PCDHA3: variants seen among roughly 807,000 people sequenced by gnomAD.
PCDHA3 encodes the protein protocadherin alpha-3.
PCDHA3 carries 41 observed loss-of-function variants against 62.2 expected under a neutral mutation model. That is an observed-to-expected ratio of 0.66 (90% CI 0.51 to 0.86). The LOEUF (loss-of-function observed/expected upper bound fraction) is 0.86. Ranked by LOEUF, PCDHA3 falls within the 40% of genes least tolerant of loss-of-function variation. The pLI, the probability that PCDHA3 is intolerant of heterozygous loss-of-function variation, is 0.00. For missense variants in PCDHA3, 1,304 were observed against 1,241.2 expected (o/e 1.05, Z -0.76); for synonymous variants, 640 against 555.4 (o/e 1.15, Z -2.14).
chr5:140,969,863 C>A (rs1305470999), intron 1 of PCDHA3, among the ~76,000 whole-genome samples: 1 of 152,156 alleles, frequency 6.6e-6, no homozygotes, highest in Non-Finnish European at 1.5e-5. Context: ...CTGGTACTTG[C>A]ACTGAACCTA....
intron 1 of PCDHA3, chr5:140,823,947 G>T (rs2150130652): frequency 1.7e-5 from 28 of 1,613,980 alleles, no homozygotes; most frequent in Non-Finnish European, 2.2e-5. Context: ...GGTGCTCGGC[G>T]CAGCCCACCG....
intron 1 of PCDHA3, chr5:140,882,846 C>T (rs1554175786): frequency 2.5e-6 from 4 of 1,614,188 alleles, no homozygotes; most frequent in Non-Finnish European, 3.4e-6. Context: ...TCTTCATTAT[C>T]ACTTGTACTG....
intron 1 of PCDHA3, among the ~76,000 whole-genome samples, chr5:140,844,348 A>T (rs1466711189): frequency 6.7e-6 from 1 of 149,514 alleles, no homozygotes; most frequent in Non-Finnish European, 1.5e-5. Context: ...AAGTAAAATC[A>T]AGAGGGAAGA....
chr5:140,869,724 A>G (rs1554163381), intron 1 of PCDHA3: 1 of 1,613,416 alleles, frequency 6.2e-7, no homozygotes. Flanking sequence ...AAACTCCGGA[A>G]CTTAATTTGC....
intron 1 of PCDHA3, among the ~76,000 whole-genome samples, chr5:140,923,304 G>A (rs933906504): frequency 6.6e-6 from 1 of 152,172 alleles, no homozygotes; most frequent in African/African-American, 2.4e-5. Context: ...TGGGCGTGGG[G>A]GCGCTTGGCC....
intron 3 of PCDHA3, among the ~76,000 whole-genome samples, chr5:141,000,194 G>A (rs2097896080): frequency 6.6e-6 from 1 of 151,746 alleles, no homozygotes; most frequent in South Asian, 2.1e-4. Context: ...TGTGAGAATA[G>A]TTTTTCACCT....
chr5:140,823,314 C>T lies in PCDHA3; in HGVS notation c.2394+19723C>T, dbSNP rs1767654133. The T allele has an allele frequency of 3.1e-6, 5 of 1,612,084 alleles. No individual in the cohort carries two copies. The African/African-American group carries it at 5.3e-5, about 17-fold the overall frequency. ...GTTACGTTTCGGTGCACGCGGAGAG[C>T]GGCAAGGTGTACGCGCTGCAGCCGC... On this transcript the variant is annotated intron_variant, in intron 1 of 3. Transcript: ENST00000522353.
chr5:140,842,292 A>C (rs2150333564), intron 1 of PCDHA3: 1 of 1,610,470 alleles, frequency 6.2e-7, no homozygotes, highest in African/African-American at 1.3e-5. Context: ...GACGCCACGG[A>C]CAAAGGCCAT....
At chr5:140,972,514 A>G (rs2096539827) in intron 1 of PCDHA3, among the ~76,000 whole-genome samples, 1 of 152,260 alleles carries the variant, frequency 6.6e-6, no homozygotes, top group Admixed American at 6.5e-5. Context: ...TTTTACCCCC[A>G]GTGAGCTTAT....
chr5:140,836,580 A>G (rs782817140), intron 1 of PCDHA3: 1 of 1,613,664 alleles, frequency 6.2e-7, no homozygotes, highest in East Asian at 2.2e-5. Flanking sequence ...GGGCGCATGT[A>G]GTTTGGTAAA....
At chr5:140,830,283 C>G (rs2150184279) in intron 1 of PCDHA3, 3 of 1,613,760 alleles carry the variant, frequency 1.9e-6, no homozygotes, top group East Asian at 2.2e-5. Context: ...ACCGAGGGCG[C>G]GTGCACGGCG....
chr5:140,884,276 G>A (rs2060082773), intron 1 of PCDHA3: 4 of 1,613,638 alleles, frequency 2.5e-6, no homozygotes, highest in East Asian at 2.2e-5. Flanking sequence ...GTTGTCGCTG[G>A]TGGAGAGCGG....
At chr5:140,855,255 A>G (rs2043396159) in intron 1 of PCDHA3, among the ~76,000 whole-genome samples, 1 of 149,836 alleles carries the variant, frequency 6.7e-6, no homozygotes, top group Non-Finnish European at 1.5e-5. Context: ...AGCACTTACT[A>G]TATTATAATT....
At chr5:140,863,497 C>A in intron 1 of PCDHA3, 1 of 434,948 alleles carries the variant, frequency 2.3e-6, no homozygotes, top group South Asian at 1.8e-5. Context: ...AACATTACGG[C>A]TTTTAGTCCT....
intron 1 of PCDHA3, chr5:140,809,735 A>C: frequency 1.4e-6 from 1 of 727,052 alleles, no homozygotes; most frequent in Non-Finnish European, 2.2e-6. Context: ...CATCAGAGCA[A>C]TATATATTGC....
intron 1 of PCDHA3, chr5:140,870,414 G>A (rs374225281): frequency 4.0e-5 from 64 of 1,614,112 alleles, no homozygotes; most frequent in Non-Finnish European, 5.0e-5. Context: ...TGTGGGCCAC[G>A]GCCAGGGTAT....
chr5:140,846,662 C>T (rs1432643627), intron 1 of PCDHA3, among the ~76,000 whole-genome samples: 1 of 149,210 alleles, frequency 6.7e-6, no homozygotes, highest in Non-Finnish European at 1.5e-5. Flanking sequence ...GCATGAGCCA[C>T]CGCGCCCAGC....
intron 3 of PCDHA3, among the ~76,000 whole-genome samples, chr5:141,002,004 A>G (rs1386748835): frequency 2.0e-5 from 3 of 152,210 alleles, no homozygotes; most frequent in Non-Finnish European, 4.4e-5. Context: ...TTGCAAACAC[A>G]GAATCTGCAC....
rs373952073 is a variant in PCDHA3, at chr5:140,809,404, G to T, written c.2394+5813G>T. 25 of 1,614,214 alleles carry T rather than the reference G, an allele frequency of 1.5e-5. No individual in the cohort carries two copies. In the African/African-American group the frequency reaches 1.6e-4, roughly 10 times the overall value. On this transcript the variant is annotated intron_variant, in intron 1 of 3. Coordinates refer to ENST00000522353, the MANE Select transcript of PCDHA3 (RefSeq NM_018906.3). The stretch of plus-strand genomic sequence containing the variant: ...CGTGCGCTCCGGGCAAGCCCACGCT[G>T]GTGTGCTCCAGTGCGGTGGGGAGCT...
Sources: gnomAD v4.1 joint callset for allele counts (sites outside exome capture counted in the v4.1 genomes callset) on GRCh38, gnomAD v4.1.1 for gene constraint, MANE v1.5 for transcripts, NCBI Gene and HGNC (gene_info 2026-07-23, HGNC 2026-07-21) for gene names.